The following ADAMTS9 variants were observed in gnomAD, a reference collection of about 807,000 sequenced individuals.
ADAMTS9 encodes ADAM metallopeptidase with thrombospondin type 1 motif 9.
In ADAMTS9, 107 loss-of-function variants were observed where a neutral mutation model predicts 257.1. That is an observed-to-expected ratio of 0.42 (90% CI 0.36 to 0.49). The LOEUF is 0.49. Ranked by LOEUF, ADAMTS9 falls within the 20% of genes least tolerant of loss-of-function variation. ADAMTS9 has a pLI of 0.03. For missense variants in ADAMTS9, 2,353 were observed against 2,469.1 expected (o/e 0.95, Z 1.00); for synonymous variants, 982 against 880.9 (o/e 1.11, Z -2.03).
At chr3:64,682,329 C>G (rs1374885230) in intron 2 of ADAMTS9, among the ~76,000 whole-genome samples, 1 of 152,170 alleles carries the variant, frequency 6.6e-6, no homozygotes. Context: ...GCTTAGAACT[C>G]GTGAACGGTT....
At chr3:64,568,088 T>C (rs2083586222) in intron 29 of ADAMTS9, among the ~76,000 whole-genome samples, 1 of 152,146 alleles carries the variant, frequency 6.6e-6, no homozygotes, top group Non-Finnish European at 1.5e-5. Flanking sequence ...AGTGAAGTAT[T>C]GAGGGGCTGA....
chr3:64,546,710 G>T, intron 32 of ADAMTS9, 48 bp downstream of exon 32: 9 of 1,527,026 alleles, frequency 5.9e-6, no homozygotes, highest in Non-Finnish European at 7.9e-6. Context: ...TTAAGACGGG[G>T]TTGAGATCCA....
At position 64,622,595 on chromosome 3, in the gene ADAMTS9, G is replaced by C; in HGVS notation, c.2390-9C>G. ...TTTACTGCTTGATAAAGCTGTAGGTGAAGAAACAGAATAATACATTGATCT... is the reference window on the plus strand; with the variant it reads ...TTTACTGCTTGATAAAGCTGTAGGTCAAGAAACAGAATAATACATTGATCT... On this transcript the variant is annotated splice_polypyrimidine_tract_variant and intron_variant, in intron 16 of 39. Coordinates refer to ENST00000498707, the MANE Select transcript of ADAMTS9 (RefSeq NM_182920.2). The C allele has an allele frequency of 1.2e-6, 2 of 1,613,372 alleles. No individual in the cohort carries two copies. The highest frequency in any genetic ancestry group is 1.7e-5 in the Admixed American group (1 of 59,998).
intron 28 of ADAMTS9, chr3:64,588,730 A>G (rs1387685738): frequency 6.6e-6 from 1 of 152,158 alleles, no homozygotes; most frequent in Non-Finnish European, 1.5e-5. Context: ...GAACCTGTCA[A>G]GCTACCACAA....
intron 39 of ADAMTS9, among the ~76,000 whole-genome samples, chr3:64,520,303 T>C (rs1426962197): frequency 6.6e-6 from 1 of 151,922 alleles, no homozygotes; most frequent in African/African-American, 2.4e-5. Context: ...ATGACACAAA[T>C]AGAAAAACGT....
Position 64,615,184 on chromosome 3 carries a change from T to C in ADAMTS9, c.3189+137A>G, listed in dbSNP as rs554275335. 3.4e-5 allele frequency: 35 copies of C among 1,014,492 alleles called. No homozygotes were observed. In the East Asian group the frequency reaches 5.5e-4, roughly 16 times the overall value. The allele number at this position is 1,014,492 out of a possible 1,614,324, so 62.8% of individuals were successfully genotyped here. A position where few individuals can be genotyped will look rare whatever the true frequency, so the allele number is the denominator to read the frequency against. ...TCATGGTGCAGGCAGAGAACTGGAG[T>C]TGTTTTCTCAAGGGAGACAAGGGAG... On this transcript the variant is annotated intron_variant, in intron 21 of 39. Coordinates refer to ENST00000498707, the MANE Select transcript of ADAMTS9 (RefSeq NM_182920.2).
intron 19 of ADAMTS9, among the ~76,000 whole-genome samples, chr3:64,616,926 T>C (rs79231600): frequency 0.018 from 2,692 of 152,248 alleles, 65 homozygotes; most frequent in African/African-American, 0.057. Flanking sequence ...TACTTCCATG[T>C]GTACCTGTCC....
chr3:64,670,675 G>A (rs1343007356), intron 3 of ADAMTS9, among the ~76,000 whole-genome samples: 2 of 152,094 alleles, frequency 1.3e-5, no homozygotes, highest in Non-Finnish European at 2.9e-5. Flanking sequence ...TAATAAGAAA[G>A]CAAATATTCT....
At chr3:64,565,290 G>C (rs2083514359) in intron 29 of ADAMTS9, 1 of 152,192 alleles carries the variant, frequency 6.6e-6, no homozygotes, top group Admixed American at 6.5e-5. Context: ...TCTTAATCAA[G>C]AATGGATGGT....
At chr3:64,532,216 C>T (rs757066566) in intron 38 of ADAMTS9, among the ~76,000 whole-genome samples, 2 of 152,176 alleles carry the variant, frequency 1.3e-5, no homozygotes, top group Non-Finnish European at 2.9e-5. Flanking sequence ...ATCATTAAGT[C>T]AAGAATGCAT....
chr3:64,551,504 C>G (rs1187878839), intron 30 of ADAMTS9, among the ~76,000 whole-genome samples: 1 of 152,186 alleles, frequency 6.6e-6, no homozygotes, highest in Non-Finnish European at 1.5e-5. Flanking sequence ...CCACCACTCC[C>G]GGCCGAGAAC....
At chr3:64,600,344 C>G (rs2084436814) in intron 26 of ADAMTS9, among the ~76,000 whole-genome samples, 2 of 152,130 alleles carry the variant, frequency 1.3e-5, no homozygotes, top group African/African-American at 4.8e-5. Flanking sequence ...CCAGCTTCAG[C>G]CTCACTTAAC....
intron 32 of ADAMTS9, among the ~76,000 whole-genome samples, chr3:64,544,720 TA>T (rs1486914929): frequency 5.3e-5 from 8 of 152,138 alleles, no homozygotes; most frequent in African/African-American, 1.9e-4. Context: ...ACTTCATGAC[TA>T]AAACACCAAA....
chr3:64,599,182 C>G (rs1021679278), intron 26 of ADAMTS9, among the ~76,000 whole-genome samples: 1 of 152,132 alleles, frequency 6.6e-6, no homozygotes, highest in South Asian at 2.1e-4. Flanking sequence ...GGTCTTTATA[C>G]TCCCACAGAC....
chr3:64,575,724 T>C (rs2106717727), intron 28 of ADAMTS9, among the ~76,000 whole-genome samples: 1 of 152,306 alleles, frequency 6.6e-6, no homozygotes, highest in East Asian at 1.9e-4. Flanking sequence ...AGCTCAGATT[T>C]GTTCTCTGTA....
intron 38 of ADAMTS9, among the ~76,000 whole-genome samples, chr3:64,528,843 T>G (rs1345068664): frequency 6.6e-6 from 1 of 152,218 alleles, no homozygotes; most frequent in Non-Finnish European, 1.5e-5. Context: ...CCCCATTTTA[T>G]AGATGAACAA....
chr3:64,631,492 G>A lies in ADAMTS9; in HGVS notation c.2352C>T (p.His784=). ...CATCGTCTGTTTCCCCTGAGAAACT[G>A]TGCTGCCGCACATCAATATTGGTAG... The part of the protein sequence containing the change: ...AGATNIDVRQ[H]SFSGETDDDN... Residue 784 remains histidine (H), a synonymous_variant, in exon 16 of 40, where the codon CAC becomes CAT. Transcript: ENST00000498707. 1 of 1,614,102 alleles carries A rather than the reference G, an allele frequency of 6.2e-7. No individual in the cohort carries two copies. The highest frequency in any genetic ancestry group is 1.3e-5 in the African/African-American group (1 of 75,046).
intron 38 of ADAMTS9, among the ~76,000 whole-genome samples, chr3:64,531,470 TAA>T (rs35413211): frequency 1.4e-4 from 19 of 139,398 alleles, no homozygotes; most frequent in South Asian, 2.3e-4. Flanking sequence ...ATTGTGTACT[TAA>T]AAAAAAAAAA....
Position 64,687,392 on chromosome 3 carries a change from A to T in ADAMTS9, c.115+151T>A. On this transcript the variant is annotated intron_variant, in intron 1 of 39. Transcript: ENST00000498707. This position sits in a 1 kb window ranked among gnomAD's most constrained non-coding sequence, Gnocchi z 4.4. Reference sequence around the variant, plus strand: ...GTCCCTCCCTAGCAATTGGTTGGGGATGACCCAAAGAAGGGAGAGGCTGCA... The same window carrying T: ...GTCCCTCCCTAGCAATTGGTTGGGGTTGACCCAAAGAAGGGAGAGGCTGCA... The T allele has an allele frequency of 1.4e-6, 1 of 703,902 alleles. No individual in the cohort carries two copies. Among genetic ancestry groups the T allele is most frequent in the Non-Finnish European group, 2.2e-6 (1 of 445,592 alleles). 43.6% of individuals were successfully genotyped at this position (703,902 alleles called of 1,614,324 possible).
Sources: allele counts gnomAD v4.1 joint callset (sites outside exome capture counted in the v4.1 genomes callset), GRCh38; gene constraint gnomAD v4.1.1; non-coding constraint Gnocchi (gnomAD v3.1); transcripts MANE v1.5; gene names NCBI Gene and HGNC (gene_info 2026-07-23, HGNC 2026-07-21).